ZNF668: variants seen among roughly 807,000 people sequenced by gnomAD.
ZNF668 encodes zinc finger protein 668.
ZNF668 carries 10 observed loss-of-function variants against 40.3 expected under a neutral mutation model. That is an observed-to-expected ratio of 0.25 (90% CI 0.15 to 0.42). ZNF668 has a LOEUF of 0.42. ZNF668 is among the 10% of genes least tolerant of loss of function. The pLI is 1.00. For synonymous variants in ZNF668, 428 were observed against 384.6 expected (o/e 1.11, Z -1.32); for missense variants, 749 against 904.6 (o/e 0.83, Z 2.21).
At position 31,064,369 on chromosome 16, in the gene ZNF668, A is replaced by G. The variant is rs373157591; in HGVS notation, c.91T>C (p.Phe31Leu). 2 of 1,613,842 alleles carry G rather than the reference A, an allele frequency of 1.2e-6. No individual in the cohort carries two copies. Among genetic ancestry groups the G allele is most frequent in the Admixed American group, 1.7e-5 (1 of 60,010 alleles). Reference protein sequence around the residue: ...RYKCLSCTKTFPNAPRAARHA... With the variant: ...RYKCLSCTKTLPNAPRAARHA... The stretch of plus-strand genomic sequence containing the variant: ...CGCGCTGCCCTGGGCGCGTTTGGAA[A>G]TGTCTTGGTACAGGACAGGCACTTG... Residue 31 changes from phenylalanine to leucine, a missense_variant, in exon 2 of 3, where the codon TTT becomes CTT. Phe to Leu is a conservative substitution (Grantham distance 22). Transcript: ENST00000300849.
chr16:31,064,257 T>C lies in ZNF668; in HGVS notation c.203A>G (p.Glu68Gly), dbSNP rs554236623. ...PKPETEAKAE[E>G]ASGEKVSGSA... Reference sequence around the variant, plus strand: ...GCCTGACACCTTCTCCCCACTGGCTTCCTCTGCCTTAGCTTCTGTCTCTGG... The same window carrying C: ...GCCTGACACCTTCTCCCCACTGGCTCCCTCTGCCTTAGCTTCTGTCTCTGG... Residue 68 changes from glutamate (E) to glycine (G), a missense_variant, in exon 2 of 3, where the codon GAA becomes GGA. This residue lies in a region of ZNF668 where 159 missense variants were observed against 139.8 expected (regional missense o/e 1.14). Transcript: ENST00000300849. 1 of 1,613,728 alleles carries C rather than the reference T, an allele frequency of 6.2e-7. No individual in the cohort carries two copies. The highest frequency in any genetic ancestry group is 1.7e-5 in the Admixed American group (1 of 60,034).
chr16:31,072,640 G>T (rs2057023827), intron 1 of ZNF668: 1 of 152,324 alleles, frequency 6.6e-6, no homozygotes, highest in African/African-American at 2.4e-5. Flanking sequence ...AGGCCTCACG[G>T]CCAGGAGTGA....
chr16:31,061,937 T>C lies in ZNF668; in HGVS notation c.991A>G (p.Thr331Ala). The stretch of plus-strand genomic sequence containing the variant: ...AGGCACTTGAACGGCCGGTCGCCTG[T>C]GTGCACACGCCGGTGCATGGCCAGG... ...ADLAMHRRVH[T>A]GDRPFKCLQC... is the part of the protein sequence containing the mutation. The change falls in exon 3 of 3, where the codon ACA becomes GCA. Residue 331 changes from threonine to alanine, a missense_variant. Transcript: ENST00000300849. The surrounding 1 kb of genome is among the most constrained non-coding windows in gnomAD (Gnocchi z 7.7). 3 of 1,613,580 alleles carry C rather than the reference T, an allele frequency of 1.9e-6. No individual in the cohort carries two copies. The highest frequency in any genetic ancestry group is 2.5e-6 in the Non-Finnish European group (3 of 1,179,816).
At chr16:31,068,264 A>ATATATATATATATATATG (rs759680502) in intron 1 of ZNF668, among the ~76,000 whole-genome samples, 9 of 111,774 alleles carry the variant, frequency 8.1e-5, no homozygotes, top group Non-Finnish European at 1.5e-4. Context: ...ATATATATAT[A>ATATATATATATATATATG]TAATTTTTGA....
At chr16:31,073,610 G>C (rs2057036532) in intron 1 of ZNF668, 49 bp downstream of exon 1, 1 of 152,214 alleles carries the variant, frequency 6.6e-6, no homozygotes, top group South Asian at 2.1e-4. Context: ...GATCGTGGCC[G>C]CGTGGGAGCT....
Position 31,061,445 on chromosome 16 carries a change from G to A in ZNF668, c.1483C>T (p.Pro495Ser). 4 of 1,613,812 alleles carry A rather than the reference G, an allele frequency of 2.5e-6. No individual in the cohort carries two copies. Among genetic ancestry groups the A allele is most frequent in the Non-Finnish European group, 3.4e-6 (4 of 1,179,988 alleles). The part of the protein sequence containing the change: ...ECQDAGVREA[P>S]GPLEGAGEAG... Reference sequence around the variant, plus strand: ...TCGCCTGCCCCTTCCAAGGGACCAGGAGCCTCCCGGACACCAGCATCTTGG... The same window carrying A: ...TCGCCTGCCCCTTCCAAGGGACCAGAAGCCTCCCGGACACCAGCATCTTGG... Residue 495 changes from proline to serine, a missense_variant, in exon 3 of 3, where the codon CCT (proline) becomes TCT (serine). Transcript: ENST00000300849. This position sits in a 1 kb window ranked among gnomAD's most constrained non-coding sequence, Gnocchi z 7.7.
rs1466284547 is a variant in ZNF668, at chr16:31,061,342, G to A, written c.1586C>T (p.Thr529Met). 1.9e-6 allele frequency: 3 copies of A among 1,608,532 alleles called. No homozygotes were observed. Among genetic ancestry groups the A allele is most frequent in the Non-Finnish European group, 2.5e-6 (3 of 1,176,648 alleles). ...RECKETFSTM[T>M]LLRRHERSHP... is the part of the protein sequence containing the mutation. ...TGAGCGCTCGTGCCGACGCAGCAGC[G>A]TCATTGTGGAGAAGGTCTCCTTGCA... is the stretch of plus-strand genomic sequence containing the variant. The change falls in exon 3 of 3, where the codon ACG (threonine) becomes ATG (methionine). Residue 529 changes from threonine to methionine, a missense_variant. By Grantham distance (81) the Thr-to-Met change is moderately conservative. This residue lies in a region of ZNF668 where 310 missense variants were observed against 355.1 expected (regional missense o/e 0.87). Coordinates refer to ENST00000300849, the MANE Select transcript of ZNF668 (RefSeq NM_024706.5). This position sits in a 1 kb window ranked among gnomAD's most constrained non-coding sequence, Gnocchi z 7.7.
Position 31,064,277 on chromosome 16 carries a change from C to T in ZNF668, c.183G>A (p.Glu61=), listed in dbSNP as rs1405751333. The T allele has an allele frequency of 3.7e-6, 6 of 1,613,726 alleles. No homozygotes were observed. In the East Asian group the frequency reaches 8.9e-5, roughly 24 times the overall value. The change falls in exon 2 of 3, where the codon GAG becomes GAA. Residue 61 remains glutamate, a synonymous_variant. Coordinates refer to ENST00000300849, the MANE Select transcript of ZNF668 (RefSeq NM_024706.5). ...TGGCTTCCTCTGCCTTAGCTTCTGT[C>T]TCTGGCTTTGGCTTCACCTCGGCCA... ...EEVAEVKPKP[E]TEAKAEEASG... is the part of the protein sequence containing the mutation.
chr16:31,064,780 C>A, intron 1 of ZNF668: 1 of 1,485,302 alleles, frequency 6.7e-7, no homozygotes, highest in East Asian at 2.5e-5. Context: ...TCCCAGAGGC[C>A]CAGGTTCCAT....
Position 31,071,410 on chromosome 16 carries a change from G to A in ZNF668, c.-23+2249C>T, listed in dbSNP as rs923544972. ...TCGAACTCCTGACCTCAAGTGATCC[G>A]ACCGCCTCAGCCTCCCAAAGTGCTG... is the stretch of plus-strand genomic sequence containing the variant. On this transcript the variant is annotated intron_variant, in intron 1 of 2. Transcript: ENST00000300849. 3.3e-5 allele frequency among the ~76,000 whole-genome samples: 5 copies of A among 149,308 alleles called. No individual in the cohort carries two copies. The East Asian group carries it at 8.2e-4, about 24-fold the overall frequency.
At position 31,064,968 on chromosome 16, in the gene ZNF668, A is replaced by G. The variant is rs956722265; in HGVS notation, c.-22-487T>C. 6 of 1,265,204 alleles carry G rather than the reference A, an allele frequency of 4.7e-6. No individual in the cohort carries two copies. The African/African-American group carries it at 9.1e-5, about 19-fold the overall frequency. 78.4% of individuals were successfully genotyped at this position (1,265,204 alleles called of 1,614,324 possible). A position where few individuals can be genotyped will look rare whatever the true frequency, so the allele number is the denominator to read the frequency against. ...GTAGCTGGCACTGTCTGGAAGTGAC[A>G]GGTCCCCAGCATTTGTGTTTTCTTT... On this transcript the variant is annotated intron_variant, in intron 1 of 2. Coordinates refer to ENST00000300849, the MANE Select transcript of ZNF668 (RefSeq NM_024706.5).
rs1301845774 is a variant in ZNF668 at position 31,069,958 on chromosome 16, T to G, written c.-23+3701A>C. 5.9e-5 allele frequency among the ~76,000 whole-genome samples: 9 copies of G among 151,854 alleles called. No individual in the cohort carries two copies. In the East Asian group the frequency reaches 1.7e-3, roughly 29 times the overall value. On this transcript the variant is annotated intron_variant, in intron 1 of 2. Coordinates refer to ENST00000300849, the MANE Select transcript of ZNF668 (RefSeq NM_024706.5). The stretch of plus-strand genomic sequence containing the variant: ...CCCGGCTAATTTTTTGTATTTTTAG[T>G]AGAGACAGGGTCTCACTGTGTTAGC...
Position 31,061,334 on chromosome 16 carries a change from G to A in ZNF668, c.1594C>T (p.Arg532Cys), listed in dbSNP as rs556985038. 1.2e-6 allele frequency: 2 copies of A among 1,604,850 alleles called. No homozygotes were observed. Among genetic ancestry groups the A allele is most frequent in the South Asian group, 1.1e-5 (1 of 90,076 alleles). ...KETFSTMTLL[R>C]RHERSHPELR... is the part of the protein sequence containing the mutation. Reference sequence around the variant, plus strand: ...TCCGGGTGTGAGCGCTCGTGCCGACGCAGCAGCGTCATTGTGGAGAAGGTC... The same window carrying A: ...TCCGGGTGTGAGCGCTCGTGCCGACACAGCAGCGTCATTGTGGAGAAGGTC... The change falls in exon 3 of 3, where the codon CGT (arginine) becomes TGT (cysteine). Residue 532 changes from arginine (R) to cysteine (C), a missense_variant. By Grantham distance (180) the Arg-to-Cys change is radical. This residue lies in a region of ZNF668 where 310 missense variants were observed against 355.1 expected (regional missense o/e 0.87). Coordinates refer to ENST00000300849, the MANE Select transcript of ZNF668 (RefSeq NM_024706.5). The surrounding 1 kb of genome is among the most constrained non-coding windows in gnomAD (Gnocchi z 7.7).
At chr16:31,064,757 AAC>A in intron 1 of ZNF668, 2 of 1,510,878 alleles carry the variant, frequency 1.3e-6, no homozygotes, top group Middle Eastern at 2.2e-4. Flanking sequence ...GGCTTTTCCA[AAC>A]ACTGTGGCAT....
At chr16:31,068,358 G>C (rs1041641716) in intron 1 of ZNF668, among the ~76,000 whole-genome samples, 4 of 148,552 alleles carry the variant, frequency 2.7e-5, no homozygotes, top group African/African-American at 9.9e-5. Flanking sequence ...GAGTAGCTGG[G>C]ACTACAGGCA....
chr16:31,061,575 C>T lies in ZNF668; in HGVS notation c.1353G>A (p.Gly451=), dbSNP rs759199469. ...GCAGCCCTGCTGGAGGGTCCCCCAG[C>T]CCCGCCCCTGCTGCCGGGGCGGCTG... ...ESSAAPAAGA[G]LGDPPAGLLG... Residue 451 remains glycine (G), a synonymous_variant, in exon 3 of 3, where the codon GGG becomes GGA. Transcript: ENST00000300849. This position sits in a 1 kb window ranked among gnomAD's most constrained non-coding sequence, Gnocchi z 7.7. 1 of 1,609,010 alleles carries T rather than the reference C, an allele frequency of 6.2e-7. No individual in the cohort carries two copies. Among genetic ancestry groups the T allele is most frequent in the Non-Finnish European group, 8.5e-7 (1 of 1,179,740 alleles).
intron 1 of ZNF668, chr16:31,065,066 G>C (rs1419760414): frequency 9.6e-7 from 1 of 1,044,204 alleles, no homozygotes; most frequent in Non-Finnish European, 1.2e-6. Flanking sequence ...AGCTGTACGG[G>C]CCTCCGCCCC....
At chr16:31,062,769 AAAAAAAAAAAAAAGAAAAAG>A (rs2056943467) in intron 2 of ZNF668, 1 of 69,044 alleles carries the variant, frequency 1.4e-5, no homozygotes, top group African/African-American at 5.8e-5. Context: ...GTCTCAAAAA[AAAAAAAAAAAAAAGAAAAAG>A]AAAAAAAAAA....
chr16:31,061,627 A>G lies in ZNF668; in HGVS notation c.1301T>C (p.Leu434Pro), dbSNP rs769096310. 1 of 1,611,500 alleles carries G rather than the reference A, an allele frequency of 6.2e-7. No individual in the cohort carries two copies. Among genetic ancestry groups the G allele is most frequent in the Non-Finnish European group, 8.5e-7 (1 of 1,179,878 alleles). The change falls in exon 3 of 3, where the codon CTG (leucine) becomes CCG (proline). Residue 434 changes from leucine to proline, a missense_variant. Leu to Pro is a moderately conservative substitution (Grantham distance 98). Around this residue, in one of 4 missense-constraint regions of ZNF668, gnomAD observed 310 missense variants for 355.1 expected, o/e 0.87. Coordinates refer to ENST00000300849, the MANE Select transcript of ZNF668 (RefSeq NM_024706.5). The surrounding 1 kb of genome is among the most constrained non-coding windows in gnomAD (Gnocchi z 7.7). ...PAQELVVGLA[L>P]PVGVAGESSA... is the part of the protein sequence containing the mutation. ...ACTCTCACCTGCCACGCCCACAGGC[A>G]GCGCCAACCCCACCACCAGCTCCTG...
Sources: gnomAD v4.1 joint callset for allele counts (sites outside exome capture counted in the v4.1 genomes callset) on GRCh38, gnomAD v4.1.1 for gene constraint, gnomAD v4.1.1 regional missense constraint, Gnocchi (gnomAD v3.1) non-coding constraint, MANE v1.5 for transcripts, NCBI Gene and HGNC (gene_info 2026-07-23, HGNC 2026-07-21) for gene names.